SS18L1: variants seen among roughly 807,000 people sequenced by gnomAD.
SS18L1 encodes the protein SS18L1 subunit of BAF chromatin remodeling complex.
SS18L1 carries 32 observed loss-of-function variants against 70.3 expected under a neutral mutation model. That is an observed-to-expected ratio of 0.46 (90% CI 0.34 to 0.61). SS18L1 has a LOEUF of 0.61. Ranked by LOEUF, SS18L1 falls within the 20% of genes least tolerant of loss-of-function variation. The pLI, the probability that SS18L1 is intolerant of heterozygous loss-of-function variation, is 0.01. For synonymous variants in SS18L1, 237 were observed against 229.7 expected (o/e 1.03, Z -0.29); for missense variants, 430 against 542.1 (o/e 0.79, Z 2.05).
At position 62,174,456 on chromosome 20, in the gene SS18L1, A is replaced by C; in HGVS notation, c.1037-61A>C. On this transcript the variant is annotated intron_variant, in intron 9 of 10. Coordinates refer to ENST00000331758, the MANE Select transcript of SS18L1 (RefSeq NM_198935.3). The surrounding 1 kb of genome is among the most constrained non-coding windows in gnomAD (Gnocchi z 4.1). ...AGTTTTAAAAAAAATTTTTAAGTTAAGAAAAAAAAAGAAAGAGGTGTCCGT... is the reference window on the plus strand; with the variant it reads ...AGTTTTAAAAAAAATTTTTAAGTTACGAAAAAAAAAGAAAGAGGTGTCCGT... 6.5e-7 allele frequency: 1 copy of C among 1,547,198 alleles called. No individual in the cohort carries two copies. Among genetic ancestry groups the C allele is most frequent in the Non-Finnish European group, 8.7e-7 (1 of 1,149,818 alleles).
Position 62,182,285 on chromosome 20 carries a change from C to A in SS18L1, c.*3077C>A, listed in dbSNP as rs554330077. 465 of 216,624 alleles carry A rather than the reference C, an allele frequency of 2.1e-3. 1 individual carries two copies. The highest frequency in any genetic ancestry group is 3.5e-3 in the Non-Finnish European group (379 of 107,758). 13.4% of individuals were successfully genotyped at this position (216,624 alleles called of 1,614,324 possible). A position where few individuals can be genotyped will look rare whatever the true frequency, so the allele number is the denominator to read the frequency against. ...CCCCTTCAAAACTGTACAAAGAAGACGACTGTTTTCCATTTCCATTTAAAC... is the reference window on the plus strand; with the variant it reads ...CCCCTTCAAAACTGTACAAAGAAGAAGACTGTTTTCCATTTCCATTTAAAC... On this transcript the variant is annotated 3_prime_UTR_variant, in exon 11 of 11. Coordinates refer to ENST00000331758, the MANE Select transcript of SS18L1 (RefSeq NM_198935.3).
intron 10 of SS18L1, among the ~76,000 whole-genome samples, chr20:62,177,278 C>CA (rs79145053): frequency 0.05 from 6,549 of 130,442 alleles, 433 homozygotes; most frequent in African/African-American, 0.16. Flanking sequence ...AACTCTGTCT[C>CA]AAAAAAAAAA....
At chr20:62,144,364 G>A (rs915417533) in intron 1 of SS18L1, among the ~76,000 whole-genome samples, 5 of 152,228 alleles carry the variant, frequency 3.3e-5, no homozygotes, top group Non-Finnish European at 7.3e-5. Flanking sequence ...TTGGTTAGTG[G>A]TGAGGGGCCC....
intron 8 of SS18L1, among the ~76,000 whole-genome samples, chr20:62,167,796 T>C (rs1285233763): frequency 6.6e-6 from 1 of 151,684 alleles, no homozygotes; most frequent in Non-Finnish European, 1.5e-5. Flanking sequence ...GCTCAGCCTT[T>C]TAGTGTCTGA....
Position 62,181,202 on chromosome 20 carries a change from C to T in SS18L1, c.*1994C>T, listed in dbSNP as rs995907497. On this transcript the variant is annotated 3_prime_UTR_variant, in exon 11 of 11. Coordinates refer to ENST00000331758, the MANE Select transcript of SS18L1 (RefSeq NM_198935.3). Reference sequence around the variant, plus strand: ...TGTAGGCACTAAGGGTTTCTAAAACCCTTAACACTGGTAAGGGCTCAAAAA... The same window carrying T: ...TGTAGGCACTAAGGGTTTCTAAAACTCTTAACACTGGTAAGGGCTCAAAAA... 1 of 200,190 alleles carries T rather than the reference C, an allele frequency of 5.0e-6. No homozygotes were observed. The highest frequency in any genetic ancestry group is 2.3e-5 in the African/African-American group (1 of 43,442). The allele number at this position is 200,190 out of a possible 1,614,324, so 12.4% of individuals were successfully genotyped here. A position where few individuals can be genotyped will look rare whatever the true frequency, so the allele number is the denominator to read the frequency against.
Position 62,161,269 on chromosome 20 carries a change from C to T in SS18L1, c.232-167C>T. On this transcript the variant is annotated intron_variant, in intron 3 of 10. Transcript: ENST00000331758. The surrounding 1 kb of genome is among the most constrained non-coding windows in gnomAD (Gnocchi z 4.4). ...CTGCCATCTCCATCTGGGCCTGGTG[C>T]TCTGCGGTCACCTGGCTGTGACGAT... 4.4e-6 allele frequency: 4 copies of T among 900,594 alleles called. No individual in the cohort carries two copies. The highest frequency in any genetic ancestry group is 7.0e-6 in the Non-Finnish European group (4 of 571,706). The allele number at this position is 900,594 out of a possible 1,614,324, so 55.8% of individuals were successfully genotyped here.
intron 10 of SS18L1, chr20:62,175,016 A>AGGT (rs1290989889): frequency 3.7e-6 from 3 of 818,018 alleles, no homozygotes; most frequent in Non-Finnish European, 4.4e-6. Context: ...CAGAGACATA[A>AGGT]GGTGGTCCCA....
chr20:62,153,111 C>T (rs1215900484), intron 1 of SS18L1, among the ~76,000 whole-genome samples: 2 of 152,172 alleles, frequency 1.3e-5, no homozygotes, highest in Non-Finnish European at 2.9e-5. Context: ...AAGCAAGGCA[C>T]CTTCTTCACA....
intron 8 of SS18L1, among the ~76,000 whole-genome samples, chr20:62,172,157 C>A (rs919008907): frequency 1.3e-5 from 2 of 151,088 alleles, no homozygotes; most frequent in Admixed American, 1.3e-4. Context: ...GAGCGAAACT[C>A]CATCTCAAAA....
At chr20:62,145,528 C>T (rs2057009543) in intron 1 of SS18L1, among the ~76,000 whole-genome samples, 1 of 152,220 alleles carries the variant, frequency 6.6e-6, no homozygotes, top group African/African-American at 2.4e-5. Context: ...CTGAAGCTAC[C>T]TTTGGCTGCA....
rs2057381392 is a variant in SS18L1, at chr20:62,164,032, TCC to T, written c.722-112_722-111del. The T allele has an allele frequency of 1.3e-5, 11 of 849,424 alleles. No homozygotes were observed. In the South Asian group the frequency reaches 1.9e-4, roughly 15 times the overall value. 52.6% of individuals were successfully genotyped at this position (849,424 alleles called of 1,614,324 possible). A position where few individuals can be genotyped will look rare whatever the true frequency, so the allele number is the denominator to read the frequency against. On this transcript the variant is annotated intron_variant, in intron 6 of 10. Coordinates refer to ENST00000331758, the MANE Select transcript of SS18L1 (RefSeq NM_198935.3). ...GATACGATGACAGCGTGGGGTGTTC[TCC>T]TCGGGTGGGTGAGGCCATTCAGCAA...
chr20:62,167,720 G>A (rs887472274), intron 8 of SS18L1, among the ~76,000 whole-genome samples: 8 of 152,336 alleles, frequency 5.3e-5, no homozygotes, highest in Non-Finnish European at 1.0e-4. Context: ...TGTCCATGGC[G>A]AGGTGTCCAC....
Position 62,161,494 on chromosome 20 carries a change from A to G in SS18L1, c.290A>G (p.Gln97Arg). 4 of 1,612,808 alleles carry G rather than the reference A, an allele frequency of 2.5e-6. No homozygotes were observed. Among genetic ancestry groups the G allele is most frequent in the Non-Finnish European group, 3.4e-6 (4 of 1,179,982 alleles). The change falls in exon 4 of 11, where the codon CAG becomes CGG. Residue 97 changes from glutamine to arginine, a missense_variant. Gln to Arg is a conservative substitution (Grantham distance 43). Transcript: ENST00000331758. This position sits in a 1 kb window ranked among gnomAD's most constrained non-coding sequence, Gnocchi z 4.4. The stretch of plus-strand genomic sequence containing the variant: ...GCCCTGACTCAGAGCGGCTCCAGCC[A>G]GGGCCTGCACTCTCAGGGCAGCCTG... ...PGALTQSGSS[Q>R]GLHSQGSLSD...
chr20:62,163,702 C>T (rs1219213277), intron 6 of SS18L1, 80 bp downstream of exon 6: 12 of 1,439,056 alleles, frequency 8.3e-6, no homozygotes, highest in Non-Finnish European at 9.1e-6. Context: ...TGCTTCTCTT[C>T]GGGGAGCCTG....
At chr20:62,176,775 C>T (rs1357590929) in intron 10 of SS18L1, among the ~76,000 whole-genome samples, 2 of 150,412 alleles carry the variant, frequency 1.3e-5, no homozygotes, top group African/African-American at 2.5e-5. Context: ...CCAGCCTGGG[C>T]GACAGAGAGA....
rs1042443679 is a variant in SS18L1, at chr20:62,174,175, C to T, written c.1037-342C>T. ...CAGCAGCCAGTGTGACTGGGGCCAG[C>T]GGGTTCTGGAGGGCTGTCCTGCCTT... On this transcript the variant is annotated intron_variant, in intron 9 of 10. Coordinates refer to ENST00000331758, the MANE Select transcript of SS18L1 (RefSeq NM_198935.3). This position sits in a 1 kb window ranked among gnomAD's most constrained non-coding sequence, Gnocchi z 4.1. Among the ~76,000 whole-genome samples, 2 of 152,084 alleles carry T rather than the reference C, an allele frequency of 1.3e-5. No individual in the cohort carries two copies. Among genetic ancestry groups the T allele is most frequent in the African/African-American group, 2.4e-5 (1 of 41,406 alleles).
At chr20:62,155,540 G>A (rs954176971) in intron 1 of SS18L1, among the ~76,000 whole-genome samples, 2 of 152,286 alleles carry the variant, frequency 1.3e-5, no homozygotes, top group Non-Finnish European at 2.9e-5. Context: ...TGGCTTCTGC[G>A]GATTGGAGGC....
At position 62,163,582 on chromosome 20, in the gene SS18L1, G is replaced by T; in HGVS notation, c.681G>T (p.Met227Ile). Residue 227 changes from methionine (M) to isoleucine (I), a missense_variant, in exon 6 of 11, where the codon ATG (methionine) becomes ATT (isoleucine). Coordinates refer to ENST00000331758, the MANE Select transcript of SS18L1 (RefSeq NM_198935.3). ...AGGGCAGCCAGGGGAGCAGCATGATGGGGCAGCGGCCCATGGCGCCCTACC... is the reference window on the plus strand; with the variant it reads ...AGGGCAGCCAGGGGAGCAGCATGATTGGGCAGCGGCCCATGGCGCCCTACC... ...MGQGSQGSSM[M>I]GQRPMAPYRP... The T allele has an allele frequency of 6.2e-7, 1 of 1,607,726 alleles. No homozygotes were observed. The highest frequency in any genetic ancestry group is 8.5e-7 in the Non-Finnish European group (1 of 1,178,848).
chr20:62,149,160 G>A (rs1427727041), intron 1 of SS18L1, among the ~76,000 whole-genome samples: 2 of 152,224 alleles, frequency 1.3e-5, no homozygotes, highest in East Asian at 1.9e-4. Context: ...TGTCACGCCC[G>A]TCCCCAGTGG....
Sources: gnomAD v4.1 joint callset for allele counts (sites outside exome capture counted in the v4.1 genomes callset) on GRCh38, gnomAD v4.1.1 for gene constraint, Gnocchi (gnomAD v3.1) non-coding constraint, MANE v1.5 for transcripts, NCBI Gene and HGNC (gene_info 2026-07-23, HGNC 2026-07-21) for gene names.